Variants in ACTL8 observed in about 807,000 individuals in gnomAD.
The protein encoded by ACTL8 is actin-like protein 8.
ACTL8 carries 3 observed loss-of-function variants against 9.3 expected under a neutral mutation model. The observed-to-expected ratio is 0.32, with a 90% confidence interval of 0.15 to 0.83. The LOEUF (loss-of-function observed/expected upper bound fraction) is 0.83, where lower values mean the gene tolerates loss of function less well. ACTL8 is among the 40% of genes least tolerant of loss of function. The pLI is 0.57. For missense variants in ACTL8, 381 were observed against 492.2 expected (o/e 0.77, Z 2.14); for synonymous variants, 224 against 205.9 (o/e 1.09, Z -0.75).
chr1:17,792,249 C>G (rs1038704053), intron 1 of ACTL8, among the ~76,000 whole-genome samples: 3 of 152,234 alleles, frequency 2.0e-5, no homozygotes, highest in African/African-American at 7.2e-5. Flanking sequence ...CATCCCGACT[C>G]TGACCTTCCT....
chr1:17,814,797 AC>A (rs2066415784), intron 1 of ACTL8, among the ~76,000 whole-genome samples: 1 of 152,178 alleles, frequency 6.6e-6, no homozygotes, highest in Admixed American at 6.5e-5. Flanking sequence ...AGTATTCAGT[AC>A]AATAACATGC....
rs574490277 is a variant in ACTL8, at chr1:17,766,422, T to C, written c.-25+10918T>C. On this transcript the variant is annotated intron_variant, in intron 1 of 2. Transcript: ENST00000375406. Reference sequence around the variant, plus strand: ...CTCAAACCCGGGTCTTCTGCTCCCATGTCACACACACTCGGTCTGGGACCT... The same window carrying C: ...CTCAAACCCGGGTCTTCTGCTCCCACGTCACACACACTCGGTCTGGGACCT... Among the ~76,000 whole-genome samples, 8 of 152,280 alleles carry C rather than the reference T, an allele frequency of 5.3e-5. No homozygotes were observed. The East Asian group carries it at 1.5e-3, about 29-fold the overall frequency.
chr1:17,803,489 C>G (rs553258776), intron 1 of ACTL8, among the ~76,000 whole-genome samples: 75 of 152,296 alleles, frequency 4.9e-4, no homozygotes, highest in Non-Finnish European at 9.1e-4. Context: ...TGCCACCTTG[C>G]CTGGCTAATT....
rs2065959930 is a variant in ACTL8, at chr1:17,755,371, G to C, written c.-158G>C. On this transcript the variant is annotated 5_prime_UTR_variant, in exon 1 of 3. Transcript: ENST00000375406. Reference sequence around the variant, plus strand: ...CGGCACCACGTGCAGCCGCTCTCGTGCAGGCGTTTGCAGTGTGCAGCTGAG... The same window carrying C: ...CGGCACCACGTGCAGCCGCTCTCGTCCAGGCGTTTGCAGTGTGCAGCTGAG... 1 of 152,218 alleles carries C rather than the reference G, an allele frequency of 6.6e-6. No individual in the cohort carries two copies. The highest frequency in any genetic ancestry group is 1.5e-5 in the Non-Finnish European group (1 of 68,026). The allele number at this position is 152,218 out of a possible 1,614,324, so 9.4% of individuals were successfully genotyped here.
At chr1:17,801,912 T>C (rs2066325298) in intron 1 of ACTL8, among the ~76,000 whole-genome samples, 1 of 152,228 alleles carries the variant, frequency 6.6e-6, no homozygotes, top group South Asian at 2.1e-4. Context: ...TTTACCCTTA[T>C]ATCTACAGAT....
intron 1 of ACTL8, among the ~76,000 whole-genome samples, chr1:17,809,872 A>G (rs1451130759): frequency 6.6e-6 from 1 of 152,210 alleles, no homozygotes; most frequent in Non-Finnish European, 1.5e-5. Flanking sequence ...CTTTTGAATC[A>G]TTCCGTAAAC....
At chr1:17,777,215 G>A (rs1413095581) in intron 1 of ACTL8, among the ~76,000 whole-genome samples, 3 of 151,980 alleles carry the variant, frequency 2.0e-5, no homozygotes, top group African/African-American at 7.3e-5. Context: ...ATTGTCCTGG[G>A]TCAGAACTTT....
At chr1:17,809,652 C>T (rs541486318) in intron 1 of ACTL8, among the ~76,000 whole-genome samples, 183 of 152,006 alleles carry the variant, frequency 1.2e-3, no homozygotes, top group Non-Finnish European at 2.1e-3. Flanking sequence ...GTGAACTGTG[C>T]ATGTGAGGGA....
intron 1 of ACTL8, among the ~76,000 whole-genome samples, chr1:17,793,346 C>T (rs1281206567): frequency 6.6e-6 from 1 of 152,206 alleles, no homozygotes; most frequent in African/African-American, 2.4e-5. Flanking sequence ...ACTGTGTGCA[C>T]AGCCTGTGCA....
chr1:17,756,806 G>A (rs2102670753), intron 1 of ACTL8, among the ~76,000 whole-genome samples: 1 of 152,300 alleles, frequency 6.6e-6, no homozygotes, highest in Non-Finnish European at 1.5e-5. Flanking sequence ...ATCATTTGCG[G>A]TTAAGACAAA....
intron 1 of ACTL8, among the ~76,000 whole-genome samples, chr1:17,789,058 A>G (rs1323639271): frequency 6.6e-6 from 1 of 152,206 alleles, no homozygotes; most frequent in African/African-American, 2.4e-5. Context: ...TCTTCCTCTA[A>G]AGGTGTATTT....
intron 1 of ACTL8, among the ~76,000 whole-genome samples, chr1:17,805,137 C>T (rs568822019): frequency 2.7e-4 from 41 of 152,204 alleles, no homozygotes; most frequent in Non-Finnish European, 3.2e-4. Context: ...TCCAGCCACA[C>T]GGGGAAGCAC....
At chr1:17,803,187 A>G (rs191666588) in intron 1 of ACTL8, among the ~76,000 whole-genome samples, 3 of 152,144 alleles carry the variant, frequency 2.0e-5, no homozygotes, top group African/African-American at 4.8e-5. Flanking sequence ...TGATTGTTTT[A>G]TAAGGGGTTT....
intron 1 of ACTL8, among the ~76,000 whole-genome samples, chr1:17,807,644 CTG>C (rs2066367561): frequency 6.6e-6 from 1 of 152,192 alleles, no homozygotes. Context: ...CACATATACA[CTG>C]TGGAATACTA....
Position 17,823,222 on chromosome 1 carries a change from A to G in ACTL8, c.214A>G (p.Ile72Val), listed in dbSNP as rs569028689. Reference protein sequence around the residue: ...TFSYPIERGRILNWEGVQYLW... With the variant: ...TFSYPIERGRVLNWEGVQYLW... ...TAGCTACCCCATCGAGCGGGGCCGC[A>G]TCCTCAACTGGGAGGGTGTGCAGTA... The change falls in exon 2 of 3, where the codon ATC becomes GTC. Residue 72 changes from isoleucine (I) to valine (V), a missense_variant. Physicochemically the swap from Ile to Val is conservative, Grantham distance 29 (BLOSUM62 3). Coordinates refer to ENST00000375406, the MANE Select transcript of ACTL8 (RefSeq NM_030812.3). This position sits in a 1 kb window ranked among gnomAD's most constrained non-coding sequence, Gnocchi z 5.3. 14 of 1,614,170 alleles carry G rather than the reference A, an allele frequency of 8.7e-6. No homozygotes were observed. In the East Asian group the frequency reaches 3.1e-4, roughly 36 times the overall value.
At chr1:17,762,902 G>T (rs2066017229) in intron 1 of ACTL8, among the ~76,000 whole-genome samples, 1 of 152,144 alleles carries the variant, frequency 6.6e-6, no homozygotes, top group Admixed American at 6.5e-5. Context: ...GGGTGGTAGG[G>T]CTGCCTGGTG....
chr1:17,796,715 C>T (rs1015873896), intron 1 of ACTL8, among the ~76,000 whole-genome samples: 12 of 152,250 alleles, frequency 7.9e-5, no homozygotes, highest in Non-Finnish European at 1.6e-4. Context: ...GTCCACCCGG[C>T]TTCAAAAGCC....
chr1:17,826,426 T>C lies in ACTL8; in HGVS notation c.1008T>C (p.Ser336=). ...TVWEGSNRNF[S]VWLGASVVAH... ...GGGAGGGTTCCAATAGAAACTTTAG[T>C]GTCTGGCTAGGAGCGTCCGTGGTGG... Residue 336 remains serine, a synonymous_variant, in exon 3 of 3, where the codon AGT becomes AGC. Transcript: ENST00000375406. This position sits in a 1 kb window ranked among gnomAD's most constrained non-coding sequence, Gnocchi z 4.5. 1 of 1,614,088 alleles carries C rather than the reference T, an allele frequency of 6.2e-7. No homozygotes were observed. The highest frequency in any genetic ancestry group is 8.5e-7 in the Non-Finnish European group (1 of 1,180,018).
chr1:17,789,736 C>T (rs545312210), intron 1 of ACTL8, among the ~76,000 whole-genome samples: 73 of 152,320 alleles, frequency 4.8e-4, no homozygotes, highest in African/African-American at 1.6e-3. Context: ...CTCTAGGTCA[C>T]ACAGCTGTTT....
Sources: allele counts gnomAD v4.1 joint callset (sites outside exome capture counted in the v4.1 genomes callset), GRCh38; gene constraint gnomAD v4.1.1; non-coding constraint Gnocchi (gnomAD v3.1); transcripts MANE v1.5; gene names NCBI Gene and HGNC (gene_info 2026-07-23, HGNC 2026-07-21).